ATP2C2: variants seen among roughly 807,000 people sequenced by gnomAD.
ATP2C2 encodes the protein calcium-transporting ATPase type 2C member 2.
A neutral mutation model predicts 110.8 loss-of-function variants in ATP2C2; 171 were observed. That is an observed-to-expected ratio of 1.54 (90% CI 1.36 to 1.75). The LOEUF (loss-of-function observed/expected upper bound fraction) is 1.75, where lower values mean the gene tolerates loss of function less well. Ranked by LOEUF, ATP2C2 falls within the 40% of genes most tolerant of loss-of-function variation. The pLI is 0.00. For synonymous variants in ATP2C2, 804 were observed against 508.4 expected, an observed-to-expected ratio of 1.58 and a Z score of -7.82; for missense variants, 1,963 against 1,235.0, an observed-to-expected ratio of 1.59 and a Z score of -8.84.
chr16:84,453,243 C>T lies in ATP2C2; in HGVS notation c.1929+8C>T. On this transcript the variant is annotated splice_region_variant and intron_variant, in intron 19 of 26. Coordinates refer to ENST00000262429, the MANE Select transcript of ATP2C2 (RefSeq NM_014861.4). ...GCCGACCGCGTGGGGAAGGTGGGTC[C>T]CCGGAGGCTTGGCTGGCAGTGGGGC... The T allele has an allele frequency of 1.2e-6, 2 of 1,613,944 alleles. No individual in the cohort carries two copies. Among genetic ancestry groups the T allele is most frequent in the Non-Finnish European group, 1.7e-6 (2 of 1,179,916 alleles).
chr16:84,448,588 G>A lies in ATP2C2; in HGVS notation c.1559G>A (p.Cys520Tyr), dbSNP rs898100044. The A allele has an allele frequency of 1.2e-6, 2 of 1,614,082 alleles. No homozygotes were observed. Among genetic ancestry groups the A allele is most frequent in the Non-Finnish European group, 1.7e-6 (2 of 1,179,970 alleles). ...KGALEEVIRY[C>Y]TMYNNGGIPL... Reference sequence around the variant, plus strand: ...GCCTTGGAAGAGGTGATCCGCTACTGCACCATGTACAACAACGGGGGCATC... The same window carrying A: ...GCCTTGGAAGAGGTGATCCGCTACTACACCATGTACAACAACGGGGGCATC... The change falls in exon 17 of 27, where the codon TGC becomes TAC. Residue 520 changes from cysteine to tyrosine, a missense_variant. Transcript: ENST00000262429.
intron 1 of ATP2C2, among the ~76,000 whole-genome samples, chr16:84,378,748 T>C (rs943692993): frequency 6.6e-6 from 1 of 152,180 alleles, no homozygotes; most frequent in African/African-American, 2.4e-5. Flanking sequence ...AACGGCCCCC[T>C]CCTTGAAAAA....
rs200749453 is a variant in ATP2C2 at position 84,454,924 on chromosome 16, C to G, written c.2087C>G (p.Thr696Arg). Residue 696 changes from threonine (T) to arginine (R), a missense_variant, in exon 21 of 27, where the codon ACG becomes AGG. By Grantham distance (71) the Thr-to-Arg change is moderately conservative. Transcript: ENST00000262429. ...GGGATCGCCATGGGGCAGACAGGGACGGACGTCAGCAAAGAGGCCGCCAAC... is the reference window on the plus strand; with the variant it reads ...GGGATCGCCATGGGGCAGACAGGGAGGGACGTCAGCAAAGAGGCCGCCAAC... The part of the protein sequence containing the change: ...DIGIAMGQTG[T>R]DVSKEAANMI... 1 of 1,613,972 alleles carries G rather than the reference C, an allele frequency of 6.2e-7. No individual in the cohort carries two copies. Among genetic ancestry groups the G allele is most frequent in the Admixed American group, 1.7e-5 (1 of 59,972 alleles).
In ATP2C2 at chr16:84,439,379, C is replaced by T. The variant is rs141384127; in HGVS notation, c.1112-48C>T. 5.7e-4 allele frequency: 907 copies of T among 1,604,922 alleles called. 9 individuals carry two copies. In the African/African-American group the frequency reaches 0.012, roughly 21 times the overall value. ...CAATCCAGCCTGGGGGTTTCACAAGCCTGAGGATGGCAACTTCTCTTCTAT... is the reference window on the plus strand; with the variant it reads ...CAATCCAGCCTGGGGGTTTCACAAGTCTGAGGATGGCAACTTCTCTTCTAT... On this transcript the variant is annotated intron_variant, in intron 12 of 26. Transcript: ENST00000262429.
chr16:84,384,692 C>G (rs1904297867), intron 1 of ATP2C2, among the ~76,000 whole-genome samples: 1 of 152,194 alleles, frequency 6.6e-6, no homozygotes, highest in Non-Finnish European at 1.5e-5. Flanking sequence ...ATTACTATCA[C>G]AACGTTTGCT....
chr16:84,453,385 G>A lies in ATP2C2; in HGVS notation c.1980+14G>A. On this transcript the variant is annotated intron_variant, in intron 20 of 26. Transcript: ENST00000262429. ...AAAATCATCAAGGTTCGCTGGGCAA[G>A]GCAGGCACAGGCTGCGCTGCTGGGG... 2 of 1,614,122 alleles carry A rather than the reference G, an allele frequency of 1.2e-6. No homozygotes were observed. Among genetic ancestry groups the A allele is most frequent in the Non-Finnish European group, 1.7e-6 (2 of 1,179,964 alleles).
chr16:84,405,239 G>T lies in ATP2C2; in HGVS notation c.322G>T (p.Asp108Tyr). 3 of 1,611,720 alleles carry T rather than the reference G, an allele frequency of 1.9e-6. No homozygotes were observed. Among genetic ancestry groups the T allele is most frequent in the Non-Finnish European group, 2.5e-6 (3 of 1,177,988 alleles). Residue 108 changes from aspartate (D) to tyrosine (Y), a missense_variant, in exon 3 of 27, where the codon GAT (aspartate) becomes TAT (tyrosine). Asp to Tyr is a radical substitution (Grantham distance 160). Coordinates refer to ENST00000262429, the MANE Select transcript of ATP2C2 (RefSeq NM_014861.4). ...NSEPVWKKYL[D>Y]QFKNPLILLL... is the part of the protein sequence containing the mutation. Reference sequence around the variant, plus strand: ...CGAACCTGTGTGGAAGAAATACCTGGATCAGGTAGGACCAGAGGTGTCATT... The same window carrying T: ...CGAACCTGTGTGGAAGAAATACCTGTATCAGGTAGGACCAGAGGTGTCATT...
At chr16:84,410,525 A>G (rs769746448) in intron 4 of ATP2C2, 43 bp from the exon 5 acceptor site, 8 of 1,606,504 alleles carry the variant, frequency 5.0e-6, no homozygotes, top group Non-Finnish European at 6.8e-6. Flanking sequence ...CCCCCCTCCC[A>G]CTGAGCCTCT....
At chr16:84,384,816 A>C (rs1228250004) in intron 1 of ATP2C2, among the ~76,000 whole-genome samples, 1 of 152,118 alleles carries the variant, frequency 6.6e-6, no homozygotes, top group South Asian at 2.1e-4. Flanking sequence ...TTGGAAGGCC[A>C]AGGTGGGTGG....
Position 84,423,233 on chromosome 16 carries a change from C to A in ATP2C2, c.889C>A (p.Gln297Lys). The A allele has an allele frequency of 6.2e-7, 1 of 1,614,142 alleles. No homozygotes were observed. ...GAAAAGCATGGACAGGCTAGGAAAG[C>A]AACTGACACTCTTCTCCTTTGGCAT... ...LQKSMDRLGK[Q>K]LTLFSFGIIG... Residue 297 changes from glutamine (Q) to lysine (K), a missense_variant, in exon 10 of 27, where the codon CAA becomes AAA. Transcript: ENST00000262429.
At chr16:84,381,868 A>G (rs539227742) in intron 1 of ATP2C2, among the ~76,000 whole-genome samples, 7 of 152,344 alleles carry the variant, frequency 4.6e-5, no homozygotes, top group African/African-American at 1.7e-4. Context: ...TCTGAGGCTT[A>G]GAAAATGAAG....
intron 6 of ATP2C2, among the ~76,000 whole-genome samples, chr16:84,412,585 G>A (rs1045615461): frequency 2.0e-5 from 3 of 151,700 alleles, no homozygotes; most frequent in Non-Finnish European, 2.9e-5. Context: ...TGTGTGTGGA[G>A]ATGGGGTTTC....
intron 6 of ATP2C2, among the ~76,000 whole-genome samples, chr16:84,412,641 T>C (rs891295976): frequency 1.3e-5 from 2 of 152,126 alleles, no homozygotes; most frequent in Non-Finnish European, 2.9e-5. Flanking sequence ...AAGCTTAACT[T>C]TTAGCATAGC....
intron 11 of ATP2C2, among the ~76,000 whole-genome samples, chr16:84,427,333 CT>C (rs1306359445): frequency 6.6e-6 from 1 of 152,208 alleles, no homozygotes; most frequent in African/African-American, 2.4e-5. Context: ...CTGATTCATA[CT>C]GCAACATGGA....
intron 18 of ATP2C2, 101 bp downstream of exon 18, chr16:84,452,192 T>C: frequency 1.4e-6 from 2 of 1,414,684 alleles, no homozygotes; most frequent in Non-Finnish European, 1.9e-6. Flanking sequence ...CGGTCAGGAG[T>C]GCTCACGCCT....
chr16:84,455,302 G>A (rs994129670), intron 21 of ATP2C2, among the ~76,000 whole-genome samples: 1 of 152,186 alleles, frequency 6.6e-6, no homozygotes, highest in Non-Finnish European at 1.5e-5. Flanking sequence ...GCCTGGCTCA[G>A]GCTGGTGGGC....
intron 1 of ATP2C2, among the ~76,000 whole-genome samples, chr16:84,371,658 C>T (rs1286440907): frequency 1.3e-5 from 2 of 152,244 alleles, no homozygotes; most frequent in East Asian, 1.9e-4. Flanking sequence ...CCGGGGGAAG[C>T]TGTCTCTGCC....
At chr16:84,388,580 C>CTTGGAGAGAAGGATAGAGAAGT (rs1904458608) in intron 1 of ATP2C2, among the ~76,000 whole-genome samples, 1 of 151,768 alleles carries the variant, frequency 6.6e-6, no homozygotes, top group Non-Finnish European at 1.5e-5. Context: ...GATAGAGAAG[C>CTTGGAGAGAAGGATAGAGAAGT]CTTGGAAAGA....
intron 15 of ATP2C2, among the ~76,000 whole-genome samples, chr16:84,445,580 G>T (rs1413497948): frequency 2.6e-5 from 4 of 152,112 alleles, no homozygotes; most frequent in Admixed American, 1.3e-4. Context: ...TATCTGCAAA[G>T]GCGCTATTCC....
Sources: allele counts gnomAD v4.1 joint callset (sites outside exome capture counted in the v4.1 genomes callset), GRCh38; gene constraint gnomAD v4.1.1; transcripts MANE v1.5; gene names NCBI Gene and HGNC (gene_info 2026-07-23, HGNC 2026-07-21).